The following DEFB119 variants were observed in gnomAD, a reference collection of about 807,000 sequenced individuals.
DEFB119 encodes the protein defensin beta 119, also known as beta-defensin 119.
Under a neutral mutation model 2.5 loss-of-function variants are expected in DEFB119, and 3 were observed. That is an observed-to-expected ratio of 1.19 (90% confidence interval 0.54 to 3.07). The LOEUF is 3.07. Ranked by LOEUF, DEFB119 falls within the 30% of genes most tolerant of loss-of-function variation. The pLI is 0.03. For synonymous variants in DEFB119, 29 were observed against 33.7 expected (o/e 0.86, Z 0.48); for missense variants, 113 against 101.1 (o/e 1.12, Z -0.50).
In DEFB119 at chr20:31,390,274, A is replaced by G. The variant is rs1238695189; in HGVS notation, c.61+149T>C. 16 of 777,546 alleles carry G rather than the reference A, an allele frequency of 2.1e-5. No individual in the cohort carries two copies. The South Asian group carries it at 2.1e-4, about 10-fold the overall frequency. The allele number at this position is 777,546 out of a possible 1,614,324, so 48.2% of individuals were successfully genotyped here. ...CCACTCTGGCAAAAAAGAATCAGAG[A>G]GAGATATTAACTTGAGATGATCCTG... On this transcript the variant is annotated intron_variant, in intron 1 of 1. Transcript: ENST00000376321.
rs567924732 is a variant in DEFB119, at chr20:31,385,435, G to A, written c.61+4988C>T. Among the ~76,000 whole-genome samples the A allele has an allele frequency of 2.0e-5, 3 of 151,620 alleles. No homozygotes were observed. The East Asian group carries it at 5.8e-4, about 29-fold the overall frequency. ...CTCTATCTTAATACTGTGTGACTTG[G>A]GCTAATTATGTCACCTCTCTGGACT... On this transcript the variant is annotated intron_variant, in intron 1 of 1. Coordinates refer to ENST00000376321, the MANE Select transcript of DEFB119 (RefSeq NM_153289.4).
Position 31,378,319 on chromosome 20 carries a change from T to C in DEFB119, c.62-880A>G, listed in dbSNP as rs947730435. 2.5e-6 allele frequency: 4 copies of C among 1,614,000 alleles called. No individual in the cohort carries two copies. The African/African-American group carries it at 4.0e-5, about 16-fold the overall frequency. On this transcript the variant is annotated intron_variant, in intron 1 of 1. Transcript: ENST00000376321. ...TCCCTCCCCATCCCAACCAAGGCAG[T>C]ACCAGAGGAAATACACCTGGACTTC...
At chr20:31,390,629 C>T (rs1986901493), upstream of DEFB119, 4 of 702,790 alleles carry the variant, frequency 5.7e-6, no homozygotes, top group South Asian at 3.7e-5. Context: ...TGAGGTCATC[C>T]AGGCCAAAGG....
intron 1 of DEFB119, among the ~76,000 whole-genome samples, chr20:31,384,698 T>C (rs887835780): frequency 2.6e-5 from 4 of 152,204 alleles, no homozygotes; most frequent in Non-Finnish European, 4.4e-5. Context: ...CTAATTAGGA[T>C]CAGCTGAGAT....
intron 1 of DEFB119, among the ~76,000 whole-genome samples, chr20:31,386,288 C>G (rs1348941167): frequency 6.6e-6 from 1 of 152,080 alleles, no homozygotes; most frequent in Non-Finnish European, 1.5e-5. Context: ...GTGTTCTCAC[C>G]CCGGGCCTCG....
At chr20:31,389,001 A>G in intron 1 of DEFB119, 1 of 1,613,056 alleles carries the variant, frequency 6.2e-7, no homozygotes, top group Non-Finnish European at 8.5e-7. Flanking sequence ...TGTGGACCCT[A>G]AGCAACCTGA....
chr20:31,383,486 ACC>A (rs1327459685), intron 1 of DEFB119, among the ~76,000 whole-genome samples: 1 of 144,116 alleles, frequency 6.9e-6, no homozygotes, highest in Non-Finnish European at 1.5e-5. Context: ...GTGAGCCAAG[ACC>A]GTGCCACTGC....
At chr20:31,378,384 C>T in intron 1 of DEFB119, 5 of 1,614,166 alleles carry the variant, frequency 3.1e-6, no homozygotes, top group Non-Finnish European at 4.2e-6. Flanking sequence ...CCACTGTCCT[C>T]ACCAGAGCTG....
chr20:31,378,876 T>C (rs186258833), intron 1 of DEFB119, among the ~76,000 whole-genome samples: 21 of 152,150 alleles, frequency 1.4e-4, no homozygotes, highest in African/African-American at 3.4e-4. Flanking sequence ...TTTTGTATAC[T>C]GTTGCTTCTA....
chr20:31,384,775 A>AT (rs1157087637), intron 1 of DEFB119, among the ~76,000 whole-genome samples: 2 of 152,160 alleles, frequency 1.3e-5, no homozygotes, highest in African/African-American at 4.8e-5. Context: ...ATTTTTAAAA[A>AT]TTTTTTCTAA....
rs776536366 is a variant in DEFB119 at position 31,390,535 on chromosome 20, G to T, written c.-52C>A. On this transcript the variant is annotated 5_prime_UTR_variant, in exon 1 of 2. Transcript: ENST00000376321. ...GGCTGAGCTGCAGGGGAAGGAAATA[G>T]GGTTCCCTGCAGCACGGCAGAGATG... 1.0e-4 allele frequency: 158 copies of T among 1,570,426 alleles called. No individual in the cohort carries two copies. Among genetic ancestry groups the T allele is most frequent in the Admixed American group, 3.5e-5 (2 of 57,778 alleles).
chr20:31,389,252 A>G, intron 1 of DEFB119: 2 of 1,613,860 alleles, frequency 1.2e-6, no homozygotes, highest in East Asian at 2.2e-5. Context: ...ATGAACAACA[A>G]TTAAGCAGAT....
Position 31,377,174 on chromosome 20 carries a change from A to G in DEFB119, c.*72T>C, listed in dbSNP as rs141914877. 6.9e-7 allele frequency: 1 copy of G among 1,458,542 alleles called. No homozygotes were observed. Among genetic ancestry groups the G allele is most frequent in the African/African-American group, 1.4e-5 (1 of 70,806 alleles). 90.4% of individuals were successfully genotyped at this position (1,458,542 alleles called of 1,614,324 possible). A position where few individuals can be genotyped will look rare whatever the true frequency, so the allele number is the denominator to read the frequency against. On this transcript the variant is annotated 3_prime_UTR_variant, in exon 2 of 2. Transcript: ENST00000376321. ...AAAGACAGACAAGGGTAGCAGGCACATGAATTTTAATGAGGGGGGTTGACA... is the reference window on the plus strand; with the variant it reads ...AAAGACAGACAAGGGTAGCAGGCACGTGAATTTTAATGAGGGGGGTTGACA...
chr20:31,388,901 C>T, intron 1 of DEFB119: 9 of 1,491,760 alleles, frequency 6.0e-6, no homozygotes, highest in South Asian at 1.3e-5. Flanking sequence ...TCTTCACCTC[C>T]CCCTGCCATC....
In DEFB119 at chr20:31,377,258, T is replaced by C; in HGVS notation, c.243A>G (p.Pro81=). Residue 81 remains proline (P), a synonymous_variant, in exon 2 of 2, where the codon CCA becomes CCG. Transcript: ENST00000376321. ...TAATCACCAGCACTCAAGGTAGTCT[T>C]GGCCACTGCTTCTCATAAGACCAGT... is the stretch of plus-strand genomic sequence containing the variant. ...NTDWSYEKQW[P]RLP 1 of 1,612,606 alleles carries C rather than the reference T, an allele frequency of 6.2e-7. No homozygotes were observed. Among genetic ancestry groups the C allele is most frequent in the East Asian group, 2.2e-5 (1 of 44,860 alleles).
At chr20:31,378,343 TCCAC>T in intron 1 of DEFB119, 3 of 1,614,106 alleles carry the variant, frequency 1.9e-6, no homozygotes, top group Non-Finnish European at 1.7e-6. Context: ...CACCTGGACT[TCCAC>T]CCACCTGGCA....
In DEFB119 at chr20:31,377,431, G is replaced by A. The variant is rs1986341124; in HGVS notation, c.70C>T (p.His24Tyr). ...CTGTTACCCATGCATCGAAGGATGT[G>A]GCGTTTGCCTGCCAAAGGAAAAAAA... ...IEEPVISGKR[H>Y]ILRCMGNSGI... The change falls in exon 2 of 2, where the codon CAC becomes TAC. Residue 24 changes from histidine to tyrosine, a missense_variant. His to Tyr is a moderately conservative substitution (Grantham distance 83). Coordinates refer to ENST00000376321, the MANE Select transcript of DEFB119 (RefSeq NM_153289.4). 6.2e-7 allele frequency: 1 copy of A among 1,609,070 alleles called. No homozygotes were observed. The highest frequency in any genetic ancestry group is 8.5e-7 in the Non-Finnish European group (1 of 1,177,930).
chr20:31,378,018 G>A (rs565069381), intron 1 of DEFB119, among the ~76,000 whole-genome samples: 3 of 152,296 alleles, frequency 2.0e-5, no homozygotes, highest in South Asian at 2.1e-4. Flanking sequence ...GTAAGGAGGT[G>A]TAACCTCCCA....
In DEFB119 at chr20:31,385,391, A is replaced by C. The variant is rs905132902; in HGVS notation, c.61+5032T>G. Among the ~76,000 whole-genome samples, 6 of 151,638 alleles carry C rather than the reference A, an allele frequency of 4.0e-5. No homozygotes were observed. The South Asian group carries it at 1.0e-3, about 26-fold the overall frequency. On this transcript the variant is annotated intron_variant, in intron 1 of 1. Coordinates refer to ENST00000376321, the MANE Select transcript of DEFB119 (RefSeq NM_153289.4). ...ACAAAAGACAAAAAAAAAAAAAAAAAACACAGTTTGATTCCCTGCTCTATC... is the reference window on the plus strand; with the variant it reads ...ACAAAAGACAAAAAAAAAAAAAAAACACACAGTTTGATTCCCTGCTCTATC...
Sources: gnomAD v4.1 joint callset for allele counts (sites outside exome capture counted in the v4.1 genomes callset) on GRCh38, gnomAD v4.1.1 for gene constraint, MANE v1.5 for transcripts, NCBI Gene and HGNC (gene_info 2026-07-23, HGNC 2026-07-21) for gene names.